Variants in STAT6 observed in about 807,000 individuals in gnomAD.
STAT6 encodes the protein STAT, interleukin4-induced.
A neutral mutation model predicts 106.3 loss-of-function variants in STAT6; 45 were observed. That is an observed-to-expected ratio of 0.42 (90% CI 0.33 to 0.54). The LOEUF (loss-of-function observed/expected upper bound fraction) is 0.54, where lower values mean the gene tolerates loss of function less well. STAT6 is among the 20% of genes least tolerant of loss of function. STAT6 has a pLI of 0.06. For missense variants in STAT6, 797 were observed against 1,062.2 expected, an observed-to-expected ratio of 0.75 and a Z score of 3.47; for synonymous variants, 413 against 413.6, an observed-to-expected ratio of 1.00 and a Z score of 0.02.
intron 13 of STAT6, 132 bp downstream of exon 13, chr12:57,102,158 G>A: frequency 1.0e-6 from 1 of 974,750 alleles, no homozygotes; most frequent in East Asian, 2.4e-5. Flanking sequence ...TCCATGACAG[G>A]CCTTCCTAAA....
intron 2 of STAT6, 139 bp from the exon 3 acceptor site, chr12:57,107,882 G>A (rs2034373458): frequency 7.9e-7 from 1 of 1,260,834 alleles, no homozygotes; most frequent in Non-Finnish European, 1.1e-6. Flanking sequence ...TTTCACCCAT[G>A]CGCCTTGTTT....
chr12:57,101,718 G>A (rs1178384019), intron 13 of STAT6, among the ~76,000 whole-genome samples: 1 of 146,882 alleles, frequency 6.8e-6, no homozygotes. Flanking sequence ...AGGCTTGAGT[G>A]CAGTGGTATG....
Position 57,106,917 on chromosome 12 carries a change from G to A in STAT6, c.340-86C>T, listed in dbSNP as rs1023076696. The A allele has an allele frequency of 6.2e-5, 97 of 1,567,888 alleles. 1 individual carries two copies. The African/African-American group carries it at 9.8e-4, about 16-fold the overall frequency. ...CTCCACTCTCTGCTCTGCAGATAGC[G>A]TTTTCTTGTTCCCCTCTCCCCTTTG... On this transcript the variant is annotated intron_variant, in intron 4 of 21. Coordinates refer to ENST00000300134, the MANE Select transcript of STAT6 (RefSeq NM_003153.5).
At chr12:57,105,123 T>C in intron 9 of STAT6, 28 bp downstream of exon 9, 1 of 1,593,022 alleles carries the variant, frequency 6.3e-7, no homozygotes. Context: ...ACAGCCCTTC[T>C]CCAACCCCAG....
At position 57,095,752 on chromosome 12, in the gene STAT6, A is replaced by C. The variant is rs1322617342; in HGVS notation, c.*820T>G. 6.6e-6 allele frequency: 1 copy of C among 152,238 alleles called. No homozygotes were observed. Among genetic ancestry groups the C allele is most frequent in the Non-Finnish European group, 1.5e-5 (1 of 68,052 alleles). 9.4% of individuals were successfully genotyped at this position (152,238 alleles called of 1,614,324 possible). On this transcript the variant is annotated 3_prime_UTR_variant, in exon 22 of 22. Coordinates refer to ENST00000300134, the MANE Select transcript of STAT6 (RefSeq NM_003153.5). ...TAGCATATGTCAGAGAGGCCAGCAC[A>C]CTTGCTGCTGTCTTCTGTGCAGTGT...
At chr12:57,103,893 G>C (rs934089307) in intron 11 of STAT6, 1 of 153,032 alleles carries the variant, frequency 6.5e-6, no homozygotes, top group African/African-American at 2.4e-5. Context: ...GAAGCAAGAA[G>C]TTTCCTCAGG....
intron 12 of STAT6, 124 bp downstream of exon 12, chr12:57,102,705 C>T: frequency 1.1e-6 from 1 of 943,886 alleles, no homozygotes; most frequent in Non-Finnish European, 1.6e-6. Context: ...AAAGCAGGCC[C>T]ATGAGAAAGT....
intron 13 of STAT6, among the ~76,000 whole-genome samples, chr12:57,101,100 T>TC (rs1296030792): frequency 2.6e-5 from 4 of 152,052 alleles, no homozygotes. Context: ...TTTCTTTCTT[T>TC]TTTTTTTTAG....
chr12:57,100,744 AAGAAAAG>A (rs1270005986), intron 13 of STAT6: 4 of 265,812 alleles, frequency 1.5e-5, no homozygotes, highest in African/African-American at 2.3e-5. Context: ...GAAAGAAAGA[AAGAAAAG>A]AAAAAAAAAC....
chr12:57,106,659 C>T, intron 5 of STAT6, 34 bp downstream of exon 5: 1 of 1,613,956 alleles, frequency 6.2e-7, no homozygotes. Context: ...GGCAACCACT[C>T]CTACACACTC....
chr12:57,107,770 C>T (rs2626579), intron 2 of STAT6, 27 bp from the exon 3 acceptor site: 30 of 1,613,132 alleles, frequency 1.9e-5, no homozygotes, highest in African/African-American at 4.0e-5. Flanking sequence ...ATGAGGCTAC[C>T]TCAGGCCAGG....
At position 57,105,521 on chromosome 12, in the gene STAT6, G is replaced by C. The variant is rs758364968; in HGVS notation, c.759C>G (p.Thr253=). The C allele has an allele frequency of 1.9e-6, 3 of 1,614,040 alleles. No individual in the cohort carries two copies. Among genetic ancestry groups the C allele is most frequent in the African/African-American group, 1.3e-5 (1 of 75,034 alleles). The change falls in exon 8 of 22, where the codon ACC becomes ACG. Residue 253 remains threonine (T), a synonymous_variant. Coordinates refer to ENST00000300134, the MANE Select transcript of STAT6 (RefSeq NM_003153.5). ...GAAGGELEPK[T]RASLTGRLDE... is the part of the protein sequence containing the mutation. ...CCAGCCGGCCAGTCAGCGATGCCCG[G>C]GTCTTGGGCTCAAGCTCCCCACCAG...
intron 9 of STAT6, 33 bp from the exon 10 acceptor site, chr12:57,104,846 A>C: frequency 4.8e-4 from 775 of 1,609,748 alleles, no homozygotes; most frequent in Middle Eastern, 6.6e-4. Context: ...GAACGAGCTC[A>C]TCTCACTGTC....
At position 57,100,098 on chromosome 12, in the gene STAT6, G is replaced by T; in HGVS notation, c.1513-8C>A. ...ACGGCCCAGCAGGATCTCCTAGGGG[G>T]AGAGGGGGAAAGGTGTGAGCCGAGG... On this transcript the variant is annotated splice_polypyrimidine_tract_variant and splice_region_variant and intron_variant, in intron 13 of 21. Transcript: ENST00000300134. The T allele has an allele frequency of 1.3e-6, 2 of 1,587,504 alleles. No homozygotes were observed. Among genetic ancestry groups the T allele is most frequent in the South Asian group, 1.1e-5 (1 of 87,694 alleles).
chr12:57,104,302 C>T (rs1353674960), intron 11 of STAT6, 162 bp downstream of exon 11: 60 of 1,008,506 alleles, frequency 5.9e-5, no homozygotes, highest in Non-Finnish European at 8.3e-5. Flanking sequence ...CTGTGCACTC[C>T]ATGCTCTTGC....
Position 57,104,494 on chromosome 12 carries a change from A to G in STAT6, c.1182T>C (p.Leu394=), listed in dbSNP as rs1202260067. 2 of 1,611,934 alleles carry G rather than the reference A, an allele frequency of 1.2e-6. No individual in the cohort carries two copies. The highest frequency in any genetic ancestry group is 2.2e-5 in the East Asian group (1 of 44,848). The change falls in exon 11 of 22, where the codon CTT becomes CTC. Residue 394 remains leucine (L), a synonymous_variant. Transcript: ENST00000300134. The stretch of plus-strand genomic sequence containing the variant: ...GCTGGATGGGGAGTTTGCCGGGGCC[A>G]AGTGTGAAGCTGGCAGAGAAGAGCA... ...CAVLFSASFT[L]GPGKLPIQLQ...
chr12:57,099,389 A>T lies in STAT6; in HGVS notation c.1796T>A (p.Ile599Asn), dbSNP rs772445113. Residue 599 changes from isoleucine (I) to asparagine (N), a missense_variant, in exon 16 of 22, where the codon ATT becomes AAT. Physicochemically the swap from Ile to Asn is moderately radical, Grantham distance 149. Transcript: ENST00000300134. This position sits in a 1 kb window ranked among gnomAD's most constrained non-coding sequence, Gnocchi z 4.7. ...CCGGATTCGGTCCCCCAGTGAGCGA[A>T]TGGACAGGTCTTTGGCAGAGAATGG... ...IQPFSAKDLS[I>N]RSLGDRIRDL... The T allele has an allele frequency of 6.2e-7, 1 of 1,614,178 alleles. No homozygotes were observed. Among genetic ancestry groups the T allele is most frequent in the South Asian group, 1.1e-5 (1 of 91,090 alleles).
chr12:57,098,238 G>A (rs545151474), intron 19 of STAT6, among the ~76,000 whole-genome samples: 2 of 152,256 alleles, frequency 1.3e-5, no homozygotes, highest in Non-Finnish European at 2.9e-5. Flanking sequence ...AGTGAGGTAG[G>A]TTATTATTAT....
rs1354787802 is a variant in STAT6 at position 57,096,265 on chromosome 12, CTG to C, written c.*305_*306del. The C allele has an allele frequency of 3.0e-6, 1 of 334,322 alleles. No homozygotes were observed. The highest frequency in any genetic ancestry group is 2.2e-5 in the African/African-American group (1 of 46,250). 20.7% of individuals were successfully genotyped at this position (334,322 alleles called of 1,614,324 possible). A position where few individuals can be genotyped will look rare whatever the true frequency, so the allele number is the denominator to read the frequency against. On this transcript the variant is annotated 3_prime_UTR_variant, in exon 22 of 22. Transcript: ENST00000300134. ...TCAGCCCCATCACCCTCAGAGAGCT[CTG>C]TATGTGTGTGTGCGTGCGTGTGCGC...
Sources: allele counts gnomAD v4.1 joint callset (sites outside exome capture counted in the v4.1 genomes callset), GRCh38; gene constraint gnomAD v4.1.1; non-coding constraint Gnocchi (gnomAD v3.1); transcripts MANE v1.5; gene names NCBI Gene and HGNC (gene_info 2026-07-23, HGNC 2026-07-21).